The following CRTC1 variants were observed in gnomAD, a reference collection of about 807,000 sequenced individuals.
CRTC1 encodes the protein CREB-regulated transcription coactivator 1.
CRTC1 carries 18 observed loss-of-function variants against 66.1 expected under a neutral mutation model. That is an observed-to-expected ratio of 0.27 (90% confidence interval 0.19 to 0.40). The LOEUF (loss-of-function observed/expected upper bound fraction) is 0.40. Ranked by LOEUF, CRTC1 falls within the 10% of genes least tolerant of loss-of-function variation. CRTC1 has a pLI of 1.00. For missense variants in CRTC1, 669 were observed against 887.9 expected (o/e 0.75, Z 3.13); for synonymous variants, 416 against 398.8 (o/e 1.04, Z -0.51).
At chr19:18,701,437 A>C (rs2053137535) in intron 1 of CRTC1, among the ~76,000 whole-genome samples, 1 of 152,258 alleles carries the variant, frequency 6.6e-6, no homozygotes, top group South Asian at 2.1e-4. Context: ...GGCCGAGGCC[A>C]GCTGTTGAGC....
chr19:18,765,544 G>C lies in CRTC1; in HGVS notation c.1011+16G>C, dbSNP rs759487363. The C allele has an allele frequency of 1.9e-6, 3 of 1,595,062 alleles. No individual in the cohort carries two copies. The highest frequency in any genetic ancestry group is 2.2e-5 in the South Asian group (2 of 90,096). ...CATCACTCAGGTGCGAGGGCAAGGT[G>C]GGGGGCAGGTGGGAGGGGGAAAGGG... On this transcript the variant is annotated intron_variant, in intron 9 of 13. Coordinates refer to ENST00000321949, the MANE Select transcript of CRTC1 (RefSeq NM_015321.3).
intron 4 of CRTC1, among the ~76,000 whole-genome samples, chr19:18,749,262 T>C (rs994497316): frequency 6.6e-6 from 1 of 152,192 alleles, no homozygotes; most frequent in African/African-American, 2.4e-5. Flanking sequence ...GGCCTTCTCC[T>C]AGCCCATTCC....
chr19:18,748,040 A>G (rs923639048), intron 4 of CRTC1, among the ~76,000 whole-genome samples: 22 of 151,982 alleles, frequency 1.4e-4, no homozygotes, highest in African/African-American at 5.3e-4. Flanking sequence ...TCATGCCACT[A>G]CAGTCCAGCC....
In CRTC1 at chr19:18,778,358, A is replaced by C. The variant is rs981323778; in HGVS notation, c.*976A>C. On this transcript the variant is annotated 3_prime_UTR_variant, in exon 14 of 14. Coordinates refer to ENST00000321949, the MANE Select transcript of CRTC1 (RefSeq NM_015321.3). ...GACTCGCTTAATCTTTTAAGCCAAC[A>C]CTTGCCTGAGAGCATGTTTTTATTT... The C allele has an allele frequency of 4.3e-6, 1 of 232,774 alleles. No individual in the cohort carries two copies. The highest frequency in any genetic ancestry group is 5.6e-5 in the Admixed American group (1 of 17,778). The allele number at this position is 232,774 out of a possible 1,614,324, so 14.4% of individuals were successfully genotyped here.
At chr19:18,708,778 C>T (rs981964234) in intron 1 of CRTC1, among the ~76,000 whole-genome samples, 2 of 152,208 alleles carry the variant, frequency 1.3e-5, no homozygotes, top group African/African-American at 4.8e-5. Context: ...CCTGTGGTAT[C>T]TTCCGTGGGC....
chr19:18,762,079 T>C (rs768045801), intron 8 of CRTC1, among the ~76,000 whole-genome samples: 6 of 152,210 alleles, frequency 3.9e-5, no homozygotes, highest in Non-Finnish European at 7.3e-5. Flanking sequence ...AGGTCAGCGC[T>C]GGGGCTGCAG....
chr19:18,704,213 A>G (rs2053209710), intron 1 of CRTC1, among the ~76,000 whole-genome samples: 1 of 152,116 alleles, frequency 6.6e-6, no homozygotes, highest in Admixed American at 6.5e-5. Context: ...CCTGGGCTCA[A>G]GCAATCTTTC....
In CRTC1 at chr19:18,771,695, C is replaced by T; in HGVS notation, c.1425+149C>T. 1.5e-6 allele frequency: 1 copy of T among 672,454 alleles called. No individual in the cohort carries two copies. Among genetic ancestry groups the T allele is most frequent in the Non-Finnish European group, 2.6e-6 (1 of 391,240 alleles). The allele number at this position is 672,454 out of a possible 1,614,324, so 41.7% of individuals were successfully genotyped here. On this transcript the variant is annotated intron_variant, in intron 11 of 13. Coordinates refer to ENST00000321949, the MANE Select transcript of CRTC1 (RefSeq NM_015321.3). The surrounding 1 kb of genome is among the most constrained non-coding windows in gnomAD (Gnocchi z 4.6). The stretch of plus-strand genomic sequence containing the variant: ...TCCCGTCCACGCCATCGGACCTGAG[C>T]TGTGCACCTACCAGGCTGCACCAGG...
chr19:18,739,110 T>G (rs892449086), intron 1 of CRTC1, among the ~76,000 whole-genome samples: 2 of 152,192 alleles, frequency 1.3e-5, no homozygotes, highest in African/African-American at 4.8e-5. Context: ...AGGCCATGAG[T>G]GAGGGGCGCC....
At position 18,768,056 on chromosome 19, in the gene CRTC1, CCA is replaced by C. The variant is rs896219203; in HGVS notation, c.1012-428_1012-427del. ...AGCAACCCCAGCCTCTCCAGCATCC[CCA>C]GAGTGGGCAAGGCTTTGGGCGGGGG... On this transcript the variant is annotated intron_variant, in intron 9 of 13. Coordinates refer to ENST00000321949, the MANE Select transcript of CRTC1 (RefSeq NM_015321.3). This position sits in a 1 kb window ranked among gnomAD's most constrained non-coding sequence, Gnocchi z 5.6. 6.6e-6 allele frequency among the ~76,000 whole-genome samples: 1 copy of C among 152,212 alleles called. No homozygotes were observed. The highest frequency in any genetic ancestry group is 2.4e-5 in the African/African-American group (1 of 41,450).
In CRTC1 at chr19:18,743,629, T is replaced by TGG. The variant is rs76431394; in HGVS notation, c.243+611_243+612dup. 8.3e-4 allele frequency among the ~76,000 whole-genome samples: 126 copies of TGG among 151,006 alleles called. 1 individual carries two copies. The highest frequency in any genetic ancestry group is 3.0e-3 in the African/African-American group (122 of 41,252). ...TGGGCTCTGCATGGACAGGTCCCCC[T>TGG]GGGGGGGGGTCACACCTACTCTGTG... On this transcript the variant is annotated intron_variant, in intron 2 of 13. Transcript: ENST00000321949.
At chr19:18,703,686 C>T (rs955789654) in intron 1 of CRTC1, among the ~76,000 whole-genome samples, 21 of 151,994 alleles carry the variant, frequency 1.4e-4, no homozygotes, top group African/African-American at 5.1e-4. Context: ...TGGTCTTGAA[C>T]TGCTGACCTC....
At position 18,747,505 on chromosome 19, in the gene CRTC1, G is replaced by T. The variant is rs923393768; in HGVS notation, c.443+391G>T. Among the ~76,000 whole-genome samples, 3 of 152,192 alleles carry T rather than the reference G, an allele frequency of 2.0e-5. No homozygotes were observed. In the South Asian group the frequency reaches 6.2e-4, roughly 32 times the overall value. ...TACAAAAATTTGCCAGCATGGTGGC[G>T]CATGCCTGTAATCCCCAGCTACTCA... On this transcript the variant is annotated intron_variant, in intron 4 of 13. Coordinates refer to ENST00000321949, the MANE Select transcript of CRTC1 (RefSeq NM_015321.3).
intron 1 of CRTC1, among the ~76,000 whole-genome samples, chr19:18,703,840 T>G (rs1044669061): frequency 2.0e-5 from 3 of 152,186 alleles, no homozygotes; most frequent in Non-Finnish European, 4.4e-5. Flanking sequence ...CCAAGTTATC[T>G]GCCTGCCTTG....
chr19:18,725,276 C>A lies in CRTC1; in HGVS notation c.127-17634C>A, dbSNP rs76896446. On this transcript the variant is annotated intron_variant, in intron 1 of 13. Transcript: ENST00000321949. ...CTGCACCTCCAGCCCCTTCTCTCCC[C>A]CAGCTCGGGCCTGAGGCCAGCACCC... Among the ~76,000 whole-genome samples the A allele has an allele frequency of 8.5e-5, 13 of 152,164 alleles. No individual in the cohort carries two copies. The East Asian group carries it at 2.5e-3, about 30-fold the overall frequency.
intron 1 of CRTC1, among the ~76,000 whole-genome samples, chr19:18,696,401 G>A (rs915396706): frequency 6.6e-6 from 1 of 152,198 alleles, no homozygotes; most frequent in Admixed American, 6.5e-5. Flanking sequence ...TGACAGTGGG[G>A]GTCCAGGGAG....
chr19:18,729,548 C>G (rs1023503762), intron 1 of CRTC1, among the ~76,000 whole-genome samples: 8 of 151,792 alleles, frequency 5.3e-5, no homozygotes, highest in African/African-American at 1.9e-4. Flanking sequence ...AGTTTGAGAC[C>G]AGCCTGGGCA....
intron 4 of CRTC1, among the ~76,000 whole-genome samples, chr19:18,749,544 C>G (rs751069227): frequency 6.6e-6 from 1 of 152,254 alleles, no homozygotes; most frequent in Non-Finnish European, 1.5e-5. Context: ...GGACCACAGG[C>G]GTGCGCCACC....
At position 18,768,125 on chromosome 19, in the gene CRTC1, C is replaced by T. The variant is rs1350278987; in HGVS notation, c.1012-360C>T. ...GCCAGTGGATCACTTGAGGTTTCCCCGCAGCACCCACAGGGGCTGGGAGCT... is the reference window on the plus strand; with the variant it reads ...GCCAGTGGATCACTTGAGGTTTCCCTGCAGCACCCACAGGGGCTGGGAGCT... On this transcript the variant is annotated intron_variant, in intron 9 of 13. Transcript: ENST00000321949. This position sits in a 1 kb window ranked among gnomAD's most constrained non-coding sequence, Gnocchi z 5.6. 2.6e-5 allele frequency among the ~76,000 whole-genome samples: 4 copies of T among 152,176 alleles called. No individual in the cohort carries two copies. Among genetic ancestry groups the T allele is most frequent in the South Asian group, 2.1e-4 (1 of 4,830 alleles).
Sources: gnomAD v4.1 joint callset for allele counts (sites outside exome capture counted in the v4.1 genomes callset) on GRCh38, gnomAD v4.1.1 for gene constraint, Gnocchi (gnomAD v3.1) non-coding constraint, MANE v1.5 for transcripts, NCBI Gene and HGNC (gene_info 2026-07-23, HGNC 2026-07-21) for gene names.